JAG1: variants seen among roughly 807,000 people sequenced by gnomAD.
JAG1 encodes protein jagged-1.
Under a neutral mutation model 148.7 loss-of-function variants are expected in JAG1, and 23 were observed. That is an observed-to-expected ratio of 0.15 (90% CI 0.11 to 0.22). The LOEUF (loss-of-function observed/expected upper bound fraction) is 0.22, where lower values mean the gene tolerates loss of function less well. JAG1 is among the 10% of genes least tolerant of loss of function. The pLI, the probability that JAG1 is intolerant of heterozygous loss-of-function variation, is 1.00. For missense variants in JAG1, 1,054 were observed against 1,611.2 expected (o/e 0.65, Z 5.92); for synonymous variants, 572 against 598.3 (o/e 0.96, Z 0.64).
intron 11 of JAG1, 40 bp from the exon 12 acceptor site, chr20:10,648,762 T>C (rs776706915): frequency 6.3e-7 from 1 of 1,587,704 alleles, no homozygotes; most frequent in Admixed American, 1.7e-5. Context: ...CATGCTTTTT[T>C]TCTATGTATT....
chr20:10,650,384 G>A (rs758370831), intron 8 of JAG1, 24 bp from the exon 9 acceptor site: 6 of 1,352,488 alleles, frequency 4.4e-6, no homozygotes, highest in South Asian at 3.5e-5. Context: ...AAAGGAGGGG[G>A]TTGACAATTT....
chr20:10,655,424 T>C (rs1482528042), intron 5 of JAG1, among the ~76,000 whole-genome samples: 2 of 152,160 alleles, frequency 1.3e-5, no homozygotes, highest in African/African-American at 4.8e-5. Context: ...GGGGCAGTGA[T>C]TGCTGATGGT....
At position 10,639,619 on chromosome 20, in the gene JAG1, A is replaced by G; in HGVS notation, c.3536T>C (p.Val1179Ala). The change falls in exon 26 of 26, where the codon GTA (valine) becomes GCA (alanine). Residue 1179 changes from valine to alanine, a missense_variant. Val to Ala is a moderately conservative substitution (Grantham distance 64, BLOSUM62 0). This residue lies in a region of JAG1 where 177 missense variants were observed against 177.3 expected (regional missense o/e 1.00). Transcript: ENST00000254958. ...RFAKQPAYTL[V>A]DREEKPPNGT... ...GTTGGGGGGCTTCTCTTCTCTGTCTACCAGCGTGTACGCCGGCTGCTTGGC... is the reference window on the plus strand; with the variant it reads ...GTTGGGGGGCTTCTCTTCTCTGTCTGCCAGCGTGTACGCCGGCTGCTTGGC... 2 of 1,614,094 alleles carry G rather than the reference A, an allele frequency of 1.2e-6. No homozygotes were observed. The highest frequency in any genetic ancestry group is 1.7e-6 in the Non-Finnish European group (2 of 1,180,012).
chr20:10,644,350 C>G lies in JAG1; in HGVS notation c.2372+7G>C, dbSNP rs774070045. 6.2e-7 allele frequency: 1 copy of G among 1,610,646 alleles called. No homozygotes were observed. Among genetic ancestry groups the G allele is most frequent in the South Asian group, 1.1e-5 (1 of 90,898 alleles). Reference sequence around the variant, plus strand: ...TGAGTGCTGGCTTAAAAGGATGTCACACTTACCAGGGATGAGGGCTGCAGT... The same window carrying G: ...TGAGTGCTGGCTTAAAAGGATGTCAGACTTACCAGGGATGAGGGCTGCAGT... On this transcript the variant is annotated splice_region_variant and intron_variant, in intron 19 of 25. Coordinates refer to ENST00000254958, the MANE Select transcript of JAG1 (RefSeq NM_000214.3).
Position 10,673,119 on chromosome 20 carries a change from AAAT to A in JAG1, c.82-116_82-114del, listed in dbSNP as rs2067509557. The A allele has an allele frequency of 1.3e-5, 13 of 1,027,704 alleles. No individual in the cohort carries two copies. The highest frequency in any genetic ancestry group is 1.9e-5 in the Non-Finnish European group (13 of 680,216). The allele number at this position is 1,027,704 out of a possible 1,614,324, so 63.7% of individuals were successfully genotyped here. A position where few individuals can be genotyped will look rare whatever the true frequency, so the allele number is the denominator to read the frequency against. On this transcript the variant is annotated intron_variant, in intron 1 of 25. Transcript: ENST00000254958. The surrounding 1 kb of genome is among the most constrained non-coding windows in gnomAD (Gnocchi z 4.7). The stretch of plus-strand genomic sequence containing the variant: ...CCGACGAGCCCTCCTCGCCGAGTGA[AAAT>A]AATTTTGCGAAACTACGTTCAAGGA...
chr20:10,658,834 G>A lies in JAG1; in HGVS notation c.440-112C>T, dbSNP rs577747097. 2.5e-4 allele frequency: 303 copies of A among 1,209,770 alleles called. 4 individuals carry two copies. The South Asian group carries it at 3.4e-3, about 14-fold the overall frequency. 74.9% of individuals were successfully genotyped at this position (1,209,770 alleles called of 1,614,324 possible). A position where few individuals can be genotyped will look rare whatever the true frequency, so the allele number is the denominator to read the frequency against. ...CACCTGCTACAAAATTCTATCTGTT[G>A]TAAAAAAGGCAAAGAAATGAAAAGT... On this transcript the variant is annotated intron_variant, in intron 3 of 25. Transcript: ENST00000254958.
chr20:10,646,922 G>A lies in JAG1; in HGVS notation c.1885+17C>T, dbSNP rs547655628. The stretch of plus-strand genomic sequence containing the variant: ...GGCTGGGGAGCACTGGTCCATTCCC[G>A]GATGAGGGAGTCTTACTTTCATGGC... On this transcript the variant is annotated intron_variant, in intron 14 of 25. Coordinates refer to ENST00000254958, the MANE Select transcript of JAG1 (RefSeq NM_000214.3). The A allele has an allele frequency of 4.6e-5, 75 of 1,613,502 alleles. No individual in the cohort carries two copies. The highest frequency in any genetic ancestry group is 2.4e-4 in the African/African-American group (18 of 75,042).
intron 24 of JAG1, 28 bp downstream of exon 24, chr20:10,641,085 A>T: frequency 6.2e-7 from 1 of 1,614,062 alleles, no homozygotes. Context: ...CCATCGAATA[A>T]TGAGGTGTGA....
intron 23 of JAG1, 37 bp downstream of exon 23, chr20:10,641,423 T>C (rs1172292472): frequency 3.9e-6 from 6 of 1,550,948 alleles, no homozygotes; most frequent in Non-Finnish European, 5.3e-6. Flanking sequence ...CAAGCAGACA[T>C]CCACCATTCA....
intron 4 of JAG1, 149 bp downstream of exon 4, chr20:10,658,319 A>G (rs1192448709): frequency 1.0e-6 from 1 of 997,502 alleles, no homozygotes. Context: ...AGCATCTTCT[A>G]CACTCCGCAT....
Position 10,652,012 on chromosome 20 carries a change from G to C in JAG1, c.1006+119C>G, listed in dbSNP as rs183791902. On this transcript the variant is annotated intron_variant, in intron 7 of 25. Transcript: ENST00000254958. The stretch of plus-strand genomic sequence containing the variant: ...AGGCTTATAGAATGGTTGGGATAAG[G>C]CCTATCTTTGGAAGCTATTTTCACT... The C allele has an allele frequency of 2.8e-5, 33 of 1,161,956 alleles. No homozygotes were observed. The African/African-American group carries it at 4.1e-4, about 14-fold the overall frequency. The allele number at this position is 1,161,956 out of a possible 1,614,324, so 72.0% of individuals were successfully genotyped here. A position where few individuals can be genotyped will look rare whatever the true frequency, so the allele number is the denominator to read the frequency against.
In JAG1 at chr20:10,639,517, C is replaced by T. The variant is rs138007561; in HGVS notation, c.3638G>A (p.Arg1213Gln). Residue 1213 changes from arginine (R) to glutamine (Q), a missense_variant, in exon 26 of 26, where the codon CGA becomes CAA. Physicochemically the swap from Arg to Gln is conservative, Grantham distance 43. Transcript: ENST00000254958. Reference protein sequence around the residue: ...RDLESAQSLNRMEYIV With the variant: ...RDLESAQSLNQMEYIV ...GGTCTGCTATACGATGTACTCCATT[C>T]GGTTTAAGCTCTGGGCACTTTCCAA... 6.8e-5 allele frequency: 110 copies of T among 1,614,142 alleles called. No individual in the cohort carries two copies. Among genetic ancestry groups the T allele is most frequent in the Middle Eastern group, 6.6e-4 (4 of 6,062 alleles).
chr20:10,672,389 G>A (rs1568806747), intron 2 of JAG1, among the ~76,000 whole-genome samples: 1 of 152,204 alleles, frequency 6.6e-6, no homozygotes, highest in Non-Finnish European at 1.5e-5. Flanking sequence ...CTTGGGGCCG[G>A]GAGAGTTACT....
rs2067304593 is a variant in JAG1 at position 10,645,762 on chromosome 20, T to C, written c.1999+209A>G. 3 of 624,630 alleles carry C rather than the reference T, an allele frequency of 4.8e-6. No individual in the cohort carries two copies. The East Asian group carries it at 8.2e-5, about 17-fold the overall frequency. 38.7% of individuals were successfully genotyped at this position (624,630 alleles called of 1,614,324 possible). A position where few individuals can be genotyped will look rare whatever the true frequency, so the allele number is the denominator to read the frequency against. On this transcript the variant is annotated intron_variant, in intron 15 of 25. Transcript: ENST00000254958. This position sits in a 1 kb window ranked among gnomAD's most constrained non-coding sequence, Gnocchi z 6.1. ...GAATATTTATTACACAGTCTAATTC[T>C]ATAGGTCCTCAGCAGAAGCTCCTCC... is the stretch of plus-strand genomic sequence containing the variant.
At chr20:10,658,347 A>C in intron 4 of JAG1, 121 bp downstream of exon 4, 1 of 1,322,524 alleles carries the variant, frequency 7.6e-7, no homozygotes, top group Admixed American at 1.7e-5. Flanking sequence ...CTGCAGGCCC[A>C]GAATAACAGC....
chr20:10,648,338 AAG>A (rs2067323244), intron 12 of JAG1, among the ~76,000 whole-genome samples: 1 of 152,174 alleles, frequency 6.6e-6, no homozygotes, highest in Non-Finnish European at 1.5e-5. Flanking sequence ...GGGAACCAAA[AAG>A]AACACAAAGA....
intron 2 of JAG1, among the ~76,000 whole-genome samples, chr20:10,665,817 G>C (rs528858498): frequency 2.0e-5 from 3 of 152,302 alleles, no homozygotes; most frequent in Non-Finnish European, 4.4e-5. Flanking sequence ...TGCCGGGACT[G>C]AGCTGGCATG....
chr20:10,649,151 T>C, intron 10 of JAG1, 44 bp from the exon 11 acceptor site: 7 of 1,338,572 alleles, frequency 5.2e-6, no homozygotes, highest in Non-Finnish European at 6.4e-6. Flanking sequence ...TAATTTACAG[T>C]GAAATTGGGC....
intron 5 of JAG1, 56 bp downstream of exon 5, chr20:10,656,342 C>T: frequency 7.2e-7 from 1 of 1,395,116 alleles, no homozygotes; most frequent in South Asian, 1.2e-5. Context: ...AAAGTCAGTT[C>T]CTCTCTTACA....
Sources: gnomAD v4.1 joint callset for allele counts (sites outside exome capture counted in the v4.1 genomes callset) on GRCh38, gnomAD v4.1.1 for gene constraint, gnomAD v4.1.1 regional missense constraint, Gnocchi (gnomAD v3.1) non-coding constraint, MANE v1.5 for transcripts, NCBI Gene and HGNC (gene_info 2026-07-23, HGNC 2026-07-21) for gene names.